The following PCDH9 variants were observed in gnomAD, a reference collection of about 807,000 sequenced individuals.
PCDH9 encodes the protein protocadherin-9.
In PCDH9, 24 loss-of-function variants were observed where a neutral mutation model predicts 70.6. The observed-to-expected ratio is 0.34, with a 90% CI of 0.25 to 0.48. The LOEUF (loss-of-function observed/expected upper bound fraction) is 0.48, where lower values mean the gene tolerates loss of function less well. Among genes scored for constraint, PCDH9 ranks in the 20% least tolerant of loss-of-function variants. The pLI is 0.99. For synonymous variants in PCDH9, 562 were observed against 558.5 expected (o/e 1.01, Z -0.09); for missense variants, 1,281 against 1,503.6 (o/e 0.85, Z 2.45).
intron 4 of PCDH9, among the ~76,000 whole-genome samples, chr13:66,360,055 A>G (rs779590794): frequency 6.6e-6 from 1 of 152,036 alleles, no homozygotes; most frequent in Non-Finnish European, 1.5e-5. Context: ...CATTTGGTCT[A>G]TGTGGGAGAT....
rs956941728 is a variant in PCDH9, at chr13:66,749,927, T to C, written c.3139-118516A>G. On this transcript the variant is annotated intron_variant, in intron 3 of 4. Coordinates refer to ENST00000377865, the MANE Select transcript of PCDH9 (RefSeq NM_203487.3). ...ACATACTTTCAAACATCATGGTGTATATGATAAATGCATATAATTTTGATC... is the reference window on the plus strand; with the variant it reads ...ACATACTTTCAAACATCATGGTGTACATGATAAATGCATATAATTTTGATC... Among the ~76,000 whole-genome samples the C allele has an allele frequency of 2.6e-5, 4 of 152,192 alleles. 1 individual carries two copies. The highest frequency in any genetic ancestry group is 2.0e-4 in the Admixed American group (3 of 15,282).
intron 2 of PCDH9, among the ~76,000 whole-genome samples, chr13:66,990,612 AAC>A (rs1453391472): frequency 6.7e-6 from 1 of 149,780 alleles, no homozygotes; most frequent in Non-Finnish European, 1.5e-5. Context: ...TATACATATA[AAC>A]ACATATATAT....
intron 4 of PCDH9, among the ~76,000 whole-genome samples, chr13:66,627,776 A>T (rs2077517775): frequency 6.6e-6 from 1 of 152,126 alleles, no homozygotes; most frequent in Non-Finnish European, 1.5e-5. Context: ...GTCTTTTTCC[A>T]TGTGACTAGA....
chr13:66,591,273 TC>T (rs2077036029), intron 4 of PCDH9, among the ~76,000 whole-genome samples: 1 of 151,718 alleles, frequency 6.6e-6, no homozygotes, highest in Non-Finnish European at 1.5e-5. Flanking sequence ...ACACAGAATC[TC>T]ATACACTTTA....
At chr13:67,002,526 G>T (rs573187723) in intron 2 of PCDH9, among the ~76,000 whole-genome samples, 62 of 151,380 alleles carry the variant, frequency 4.1e-4, no homozygotes, top group African/African-American at 1.4e-3. Flanking sequence ...TTAATCAAGA[G>T]TCTAAGAATT....
chr13:67,145,569 T>C (rs2087503076), intron 2 of PCDH9, among the ~76,000 whole-genome samples: 1 of 150,930 alleles, frequency 6.6e-6, no homozygotes, highest in Non-Finnish European at 1.5e-5. Context: ...GTTTATTCCA[T>C]AGGTCTTATA....
intron 2 of PCDH9, among the ~76,000 whole-genome samples, chr13:67,124,298 T>C (rs966422936): frequency 1.3e-5 from 2 of 152,168 alleles, no homozygotes. Flanking sequence ...TATGCTCAGC[T>C]GGAAAAATTA....
At chr13:66,769,467 C>T (rs531513749) in intron 3 of PCDH9, among the ~76,000 whole-genome samples, 47 of 150,214 alleles carry the variant, frequency 3.1e-4, no homozygotes, top group Non-Finnish European at 5.6e-4. Flanking sequence ...TTTCCGGCAT[C>T]GTAGTAGCAA....
intron 4 of PCDH9, among the ~76,000 whole-genome samples, chr13:66,440,596 T>C (rs533330012): frequency 6.6e-6 from 1 of 152,110 alleles, no homozygotes; most frequent in Admixed American, 6.6e-5. Flanking sequence ...TTGTAGATGA[T>C]GAGAAAATAA....
At chr13:66,390,226 A>G (rs1372215371) in intron 4 of PCDH9, among the ~76,000 whole-genome samples, 1 of 152,222 alleles carries the variant, frequency 6.6e-6, no homozygotes, top group Admixed American at 6.5e-5. Context: ...AATGGCAAGC[A>G]TGATAGACTA....
At chr13:66,697,299 C>A (rs1408428830) in intron 3 of PCDH9, among the ~76,000 whole-genome samples, 2 of 151,832 alleles carry the variant, frequency 1.3e-5, no homozygotes, top group Admixed American at 6.6e-5. Flanking sequence ...AAAAATATTG[C>A]AGTTGAGAAG....
At chr13:66,708,253 T>G (rs2078742031) in intron 3 of PCDH9, among the ~76,000 whole-genome samples, 1 of 151,298 alleles carries the variant, frequency 6.6e-6, no homozygotes, top group South Asian at 2.1e-4. Context: ...GTTTCACCGT[T>G]TTAGCCGGGA....
At chr13:66,860,646 C>G (rs1324698997) in intron 3 of PCDH9, among the ~76,000 whole-genome samples, 1 of 152,198 alleles carries the variant, frequency 6.6e-6, no homozygotes, top group African/African-American at 2.4e-5. Flanking sequence ...AGCTTGAACA[C>G]GCTGAGGCAG....
chr13:67,166,704 G>A (rs2985917), intron 2 of PCDH9, among the ~76,000 whole-genome samples: 143,496 of 152,206 alleles, frequency 0.94, 67,858 homozygotes, highest in Non-Finnish European at 0.98. Flanking sequence ...ATATTATTAC[G>A]GTGGTAGTAA....
At chr13:67,116,933 A>G (rs1041917318) in intron 2 of PCDH9, among the ~76,000 whole-genome samples, 2 of 152,158 alleles carry the variant, frequency 1.3e-5, no homozygotes, top group Non-Finnish European at 2.9e-5. Context: ...CTATTTCCAC[A>G]GGATCTGGGC....
chr13:67,210,221 C>T (rs1431175164), intron 2 of PCDH9: 1 of 151,992 alleles, frequency 6.6e-6, no homozygotes, highest in African/African-American at 2.4e-5. Flanking sequence ...TAAATGCCAA[C>T]AATCTGCTCA....
chr13:66,426,497 C>T (rs796529471), intron 4 of PCDH9, among the ~76,000 whole-genome samples: 7 of 146,544 alleles, frequency 4.8e-5, no homozygotes, highest in South Asian at 2.1e-4. Context: ...AATTAAGCTT[C>T]GTTTGATTCT....
chr13:66,835,320 G>A (rs865899937), intron 3 of PCDH9, among the ~76,000 whole-genome samples: 1 of 152,148 alleles, frequency 6.6e-6, no homozygotes, highest in African/African-American at 2.4e-5. Context: ...AATCGAGCTC[G>A]GCTCTTGGCA....
chr13:67,101,510 G>A (rs1482393090), intron 2 of PCDH9, among the ~76,000 whole-genome samples: 1 of 152,164 alleles, frequency 6.6e-6, no homozygotes, highest in East Asian at 1.9e-4. Context: ...CTAAATACAT[G>A]TGGGTTTGTT....
Sources: gnomAD v4.1 joint callset for allele counts (sites outside exome capture counted in the v4.1 genomes callset) on GRCh38, gnomAD v4.1.1 for gene constraint, MANE v1.5 for transcripts, NCBI Gene and HGNC (gene_info 2026-07-23, HGNC 2026-07-21) for gene names.